CMSS1: variants seen among roughly 807,000 people sequenced by gnomAD.
The protein encoded by CMSS1 is cms1 ribosomal small subunit homolog.
CMSS1 carries 33 observed loss-of-function variants against 43.5 expected under a neutral mutation model. The ratio of observed to expected loss-of-function variants is 0.76; its 90% CI spans 0.57 to 1.01. The LOEUF (loss-of-function observed/expected upper bound fraction) is 1.01, where lower values mean the gene tolerates loss of function less well. Ranked by LOEUF, CMSS1 falls within the 50% of genes least tolerant of loss-of-function variation. CMSS1 has a pLI of 0.00. For synonymous variants in CMSS1, 115 were observed against 117.2 expected (o/e 0.98, Z 0.12); for missense variants, 313 against 326.4 (o/e 0.96, Z 0.32).
intron 1 of CMSS1, among the ~76,000 whole-genome samples, chr3:100,052,164 C>T (rs2065385375): frequency 6.6e-6 from 1 of 152,064 alleles, no homozygotes; most frequent in Non-Finnish European, 1.5e-5. Context: ...CCATGATGCA[C>T]ACTTATAATA....
chr3:100,159,043 T>C (rs2067000488), intron 2 of CMSS1, among the ~76,000 whole-genome samples: 1 of 152,250 alleles, frequency 6.6e-6, no homozygotes, highest in African/African-American at 2.4e-5. Flanking sequence ...TGGTTTGTAA[T>C]TGGACTCTTA....
chr3:99,951,478 G>A (rs1430858071), intron 1 of CMSS1, among the ~76,000 whole-genome samples: 1 of 152,192 alleles, frequency 6.6e-6, no homozygotes, highest in African/African-American at 2.4e-5. Flanking sequence ...CAAATGATGA[G>A]ATTTTGTTTT....
intron 1 of CMSS1, among the ~76,000 whole-genome samples, chr3:100,076,671 G>T (rs759093304): frequency 2.6e-5 from 4 of 152,134 alleles, no homozygotes; most frequent in African/African-American, 9.7e-5. Context: ...TCATTTTTCT[G>T]ATCTCCAGGG....
At chr3:99,972,349 G>A (rs1326890432) in intron 1 of CMSS1, among the ~76,000 whole-genome samples, 1 of 152,190 alleles carries the variant, frequency 6.6e-6, no homozygotes, top group Non-Finnish European at 1.5e-5. Context: ...GCCATGGCAG[G>A]ATTACTAGAC....
intron 1 of CMSS1, among the ~76,000 whole-genome samples, chr3:99,861,807 A>C (rs1944273081): frequency 6.6e-6 from 1 of 152,166 alleles, no homozygotes; most frequent in African/African-American, 2.4e-5. Flanking sequence ...GCAGAGCGAG[A>C]AATTCAGACT....
chr3:100,154,433 G>A (rs2066952738), intron 2 of CMSS1, among the ~76,000 whole-genome samples: 1 of 151,750 alleles, frequency 6.6e-6, no homozygotes, highest in Non-Finnish European at 1.5e-5. Flanking sequence ...GTATCATTTT[G>A]CACCCCCACT....
At chr3:99,920,543 G>A (rs1251544314) in intron 1 of CMSS1, among the ~76,000 whole-genome samples, 21 of 152,164 alleles carry the variant, frequency 1.4e-4, no homozygotes, top group Admixed American at 1.3e-3. Flanking sequence ...GTCAGTGAAC[G>A]TTGTCATGAA....
chr3:100,005,058 C>A (rs140281833), intron 1 of CMSS1, among the ~76,000 whole-genome samples: 1 of 152,094 alleles, frequency 6.6e-6, no homozygotes, highest in Non-Finnish European at 1.5e-5. Flanking sequence ...TGCAGCAGGA[C>A]GTAACCAGAA....
rs1318742338 is a variant in CMSS1, at chr3:100,113,701, G to C, written c.65-33272G>C. Reference sequence around the variant, plus strand: ...CATTCACATCAGCTTACAAAATCAAGCTATTAAGAAGGAAAGCCATTTATC... The same window carrying C: ...CATTCACATCAGCTTACAAAATCAACCTATTAAGAAGGAAAGCCATTTATC... On this transcript the variant is annotated intron_variant, in intron 1 of 9. Transcript: ENST00000421999. Among the ~76,000 whole-genome samples the C allele has an allele frequency of 2.6e-5, 4 of 152,230 alleles. No homozygotes were observed. In the South Asian group the frequency reaches 6.2e-4, roughly 24 times the overall value.
intron 1 of CMSS1, among the ~76,000 whole-genome samples, chr3:100,044,349 C>A (rs1234260508): frequency 6.6e-6 from 1 of 151,904 alleles, no homozygotes; most frequent in Non-Finnish European, 1.5e-5. Flanking sequence ...GTATTTACAT[C>A]ATAGTATAAA....
chr3:99,867,472 A>C (rs1944578953), intron 1 of CMSS1, among the ~76,000 whole-genome samples: 1 of 152,220 alleles, frequency 6.6e-6, no homozygotes, highest in Non-Finnish European at 1.5e-5. Flanking sequence ...TTTAAAGTTT[A>C]CTAATTCACA....
intron 1 of CMSS1, among the ~76,000 whole-genome samples, chr3:99,986,907 G>A (rs1293890128): frequency 6.6e-6 from 1 of 152,162 alleles, no homozygotes; most frequent in Non-Finnish European, 1.5e-5. Flanking sequence ...CTAGTTAGGA[G>A]GACAAGAACA....
At chr3:99,954,684 A>G (rs1282907144) in intron 1 of CMSS1, among the ~76,000 whole-genome samples, 3 of 151,920 alleles carry the variant, frequency 2.0e-5, no homozygotes, top group Admixed American at 1.3e-4. Flanking sequence ...AAATTAGCCA[A>G]GCATGGTGGT....
chr3:99,842,009 A>T (rs1943154424), intron 1 of CMSS1, among the ~76,000 whole-genome samples: 1 of 152,228 alleles, frequency 6.6e-6, no homozygotes, highest in African/African-American at 2.4e-5. Context: ...AGAAGTCATT[A>T]TATGAAAAAG....
intron 6 of CMSS1, among the ~76,000 whole-genome samples, chr3:100,171,046 A>AG (rs1279222338): frequency 4.6e-5 from 7 of 152,192 alleles, no homozygotes; most frequent in Admixed American, 4.6e-4. Flanking sequence ...GCTGAGCACT[A>AG]GTTGACCCCT....
intron 1 of CMSS1, among the ~76,000 whole-genome samples, chr3:100,062,963 A>G (rs1218861154): frequency 6.6e-6 from 1 of 152,238 alleles, no homozygotes; most frequent in Non-Finnish European, 1.5e-5. Context: ...TTCAGCACGA[A>G]AGGAGGATAG....
At chr3:99,874,360 C>T (rs1705397073) in intron 1 of CMSS1, 1 of 152,050 alleles carries the variant, frequency 6.6e-6, no homozygotes, top group East Asian at 1.9e-4. Context: ...ATCTTTTTTC[C>T]AGAGCAGGAA....
intron 1 of CMSS1, among the ~76,000 whole-genome samples, chr3:100,033,062 CAA>C (rs879385600): frequency 3.4e-5 from 4 of 118,932 alleles, no homozygotes; most frequent in Non-Finnish European, 3.7e-5. Context: ...ACATGGTAAC[CAA>C]AAAAAAAAAA....
chr3:99,945,883 T>TG (rs552848806), intron 1 of CMSS1, among the ~76,000 whole-genome samples: 180 of 152,320 alleles, frequency 1.2e-3, no homozygotes, highest in African/African-American at 3.9e-3. Flanking sequence ...ACAGAGCCAG[T>TG]GGGAGAAGCC....
Sources: gnomAD v4.1 joint callset for allele counts (sites outside exome capture counted in the v4.1 genomes callset) on GRCh38, gnomAD v4.1.1 for gene constraint, MANE v1.5 for transcripts, NCBI Gene and HGNC (gene_info 2026-07-23, HGNC 2026-07-21) for gene names.